Variants in EPB41L5 observed in about 807,000 individuals in gnomAD.
EPB41L5 encodes band 4.1-like protein 5.
EPB41L5 carries 55 observed loss-of-function variants against 106.6 expected under a neutral mutation model. The ratio of observed to expected loss-of-function variants is 0.52; its 90% CI spans 0.42 to 0.65. EPB41L5 has a LOEUF of 0.65. Ranked by LOEUF, EPB41L5 falls within the 30% of genes least tolerant of loss-of-function variation. EPB41L5 has a pLI of 0.00. For synonymous variants in EPB41L5, 297 were observed against 306.7 expected, an observed-to-expected ratio of 0.97 and a Z score of 0.33; for missense variants, 871 against 882.1, an observed-to-expected ratio of 0.99 and a Z score of 0.16.
intron 20 of EPB41L5, among the ~76,000 whole-genome samples, chr2:120,157,635 G>A (rs1686956825): frequency 6.6e-6 from 1 of 151,930 alleles, no homozygotes; most frequent in South Asian, 2.1e-4. Context: ...TGGGCGGGGT[G>A]GCGCATGCCT....
intron 3 of EPB41L5, among the ~76,000 whole-genome samples, chr2:120,050,651 C>T (rs1194316001): frequency 6.6e-6 from 1 of 152,210 alleles, no homozygotes; most frequent in African/African-American, 2.4e-5. Context: ...GCCTACTTCT[C>T]GCAACTTGTC....
At chr2:120,075,025 G>A (rs761043491) in intron 5 of EPB41L5, among the ~76,000 whole-genome samples, 4 of 152,048 alleles carry the variant, frequency 2.6e-5, no homozygotes, top group Admixed American at 6.5e-5. Context: ...ACGGGGTTTC[G>A]CCATGTTGGC....
intron 1 of EPB41L5, among the ~76,000 whole-genome samples, chr2:120,016,999 A>G (rs756060736): frequency 7.9e-5 from 12 of 152,254 alleles, no homozygotes; most frequent in Non-Finnish European, 1.6e-4. Context: ...GCAAGAGTAT[A>G]CATGTGTAAA....
At chr2:120,098,505 G>A (rs1309377869) in intron 14 of EPB41L5, among the ~76,000 whole-genome samples, 1 of 152,122 alleles carries the variant, frequency 6.6e-6, no homozygotes, top group Non-Finnish European at 1.5e-5. Context: ...GAGCCACCAT[G>A]CCTCACCAAT....
At chr2:120,074,429 A>G (rs1682091984) in intron 5 of EPB41L5, 1 of 346,670 alleles carries the variant, frequency 2.9e-6, no homozygotes, top group Non-Finnish European at 5.2e-6. Context: ...TTTTTTAAGT[A>G]TCACTCTCAA....
chr2:120,065,034 T>C (rs1204322135), intron 3 of EPB41L5, among the ~76,000 whole-genome samples: 2 of 152,180 alleles, frequency 1.3e-5, no homozygotes, highest in Non-Finnish European at 2.9e-5. Flanking sequence ...TTAGAAACTA[T>C]TATATATAAG....
intron 3 of EPB41L5, among the ~76,000 whole-genome samples, chr2:120,043,983 C>A (rs1679601056): frequency 6.6e-6 from 1 of 150,990 alleles, no homozygotes; most frequent in South Asian, 2.1e-4. Context: ...CCTGTCTCTA[C>A]AAAAATAAAA....
chr2:120,098,778 G>A (rs931628099), intron 14 of EPB41L5, among the ~76,000 whole-genome samples: 1 of 152,140 alleles, frequency 6.6e-6, no homozygotes, highest in Non-Finnish European at 1.5e-5. Context: ...TTTTAGCAGG[G>A]CCTCTCTTCA....
Position 120,090,354 on chromosome 2 carries a change from A to G in EPB41L5, c.881A>G (p.Glu294Gly). ...TATACTTTTCTTTTTCAGGGCAAAG[A>G]ACAGGAACATACATTTGTCTTTAGA... is the stretch of plus-strand genomic sequence containing the variant. The part of the protein sequence containing the change: ...VVVEDDDQGK[E>G]QEHTFVFRLD... Residue 294 changes from glutamate to glycine, a missense_variant, in exon 12 of 25, where the codon GAA becomes GGA. By Grantham distance (98) the Glu-to-Gly change is moderately conservative (BLOSUM62 -2). Transcript: ENST00000263713. The G allele has an allele frequency of 6.2e-7, 1 of 1,605,028 alleles. No individual in the cohort carries two copies. Among genetic ancestry groups the G allele is most frequent in the South Asian group, 1.1e-5 (1 of 89,002 alleles).
intron 17 of EPB41L5, among the ~76,000 whole-genome samples, chr2:120,130,495 T>A (rs1685644123): frequency 6.6e-6 from 1 of 152,202 alleles, no homozygotes; most frequent in African/African-American, 2.4e-5. Context: ...GACAAAATAG[T>A]ATAGCAGAAA....
chr2:120,032,210 G>A (rs1454107499), intron 2 of EPB41L5, among the ~76,000 whole-genome samples: 1 of 151,994 alleles, frequency 6.6e-6, no homozygotes, highest in African/African-American at 2.4e-5. Context: ...GCGAAACTCC[G>A]TCTCTACTAA....
At chr2:120,022,807 AAAGC>A (rs1487223456) in intron 2 of EPB41L5, among the ~76,000 whole-genome samples, 1 of 152,176 alleles carries the variant, frequency 6.6e-6, no homozygotes, top group Non-Finnish European at 1.5e-5. Context: ...TAACAGTGTA[AAAGC>A]ATTCCTATTT....
At chr2:120,145,261 C>CA (rs1314325363) in intron 19 of EPB41L5, among the ~76,000 whole-genome samples, 2 of 152,162 alleles carry the variant, frequency 1.3e-5, no homozygotes, top group African/African-American at 2.4e-5. Context: ...CTCAGGTTAA[C>CA]ACAGATGTTA....
In EPB41L5 at chr2:120,086,533, A is replaced by G. The variant is rs80175956; in HGVS notation, c.804-638A>G. On this transcript the variant is annotated intron_variant, in intron 10 of 24. Coordinates refer to ENST00000263713, the MANE Select transcript of EPB41L5 (RefSeq NM_020909.4). ...TTCCAACACTTTGGGAGACCAGGGT[A>G]TGCGGATCACTTGAGCCCAGGAATT... 8.1e-3 allele frequency among the ~76,000 whole-genome samples: 1,229 copies of G among 152,212 alleles called. 14 individuals are homozygous for G. The highest frequency in any genetic ancestry group is 0.028 in the African/African-American group (1,166 of 41,554).
intron 2 of EPB41L5, among the ~76,000 whole-genome samples, chr2:120,029,373 A>C (rs545917018): frequency 6.6e-6 from 1 of 152,276 alleles, no homozygotes; most frequent in East Asian, 1.9e-4. Context: ...TTGTATATAC[A>C]ATATACAAAT....
intron 20 of EPB41L5, among the ~76,000 whole-genome samples, chr2:120,156,495 T>G (rs992824974): frequency 6.6e-6 from 1 of 152,170 alleles, no homozygotes; most frequent in African/African-American, 2.4e-5. Flanking sequence ...CCTATGTCCA[T>G]GCACCCTGCC....
At chr2:120,174,783 A>T in intron 24 of EPB41L5, 58 bp from the exon 25 acceptor site, 1 of 1,463,850 alleles carries the variant, frequency 6.8e-7, no homozygotes, top group Non-Finnish European at 9.6e-7. Context: ...TGGAGACATG[A>T]ATGTCCTCCT....
chr2:120,088,578 C>G (rs931056198), intron 11 of EPB41L5, among the ~76,000 whole-genome samples: 2 of 152,072 alleles, frequency 1.3e-5, no homozygotes, highest in Non-Finnish European at 2.9e-5. Flanking sequence ...CTCTTGTACC[C>G]CAAACCCAAA....
chr2:120,069,258 G>A lies in EPB41L5; in HGVS notation c.286-3920G>A, dbSNP rs540026809. Among the ~76,000 whole-genome samples, 67 of 150,644 alleles carry A rather than the reference G, an allele frequency of 4.4e-4. 1 individual carries two copies. The Middle Eastern group carries it at 0.01, about 23-fold the overall frequency. ...AGAAGGGCATGGTAAAGGGATCAACGCAACAAGAAGAGCTAACCTAAATAT... is the reference window on the plus strand; with the variant it reads ...AGAAGGGCATGGTAAAGGGATCAACACAACAAGAAGAGCTAACCTAAATAT... On this transcript the variant is annotated intron_variant, in intron 3 of 24. Transcript: ENST00000263713.
Sources: allele counts gnomAD v4.1 joint callset (sites outside exome capture counted in the v4.1 genomes callset), GRCh38; gene constraint gnomAD v4.1.1; transcripts MANE v1.5; gene names NCBI Gene and HGNC (gene_info 2026-07-23, HGNC 2026-07-21).